The following ESRRG variants were observed in gnomAD, a reference collection of about 807,000 sequenced individuals.
ESRRG encodes the protein estrogen-related receptor gamma.
ESRRG carries 13 observed loss-of-function variants against 44.0 expected under a neutral mutation model. The observed-to-expected ratio is 0.30, with a 90% CI of 0.19 to 0.47. The LOEUF (loss-of-function observed/expected upper bound fraction) is 0.47. Ranked by LOEUF, ESRRG falls within the 20% of genes least tolerant of loss-of-function variation. The pLI is 1.00. For missense variants in ESRRG, 395 were observed against 580.6 expected (o/e 0.68, Z 3.29); for synonymous variants, 215 against 214.6 (o/e 1.00, Z -0.02).
intron 1 of ESRRG, among the ~76,000 whole-genome samples, chr1:216,989,287 T>A (rs1180614130): frequency 6.6e-6 from 1 of 151,558 alleles, no homozygotes; most frequent in African/African-American, 2.4e-5. Context: ...TCTCCATCTC[T>A]AAAAAAATAC....
chr1:216,591,779 T>C (rs11572744), intron 3 of ESRRG, among the ~76,000 whole-genome samples: 5,834 of 152,230 alleles, frequency 0.038, 184 homozygotes, highest in Non-Finnish European at 0.056. Context: ...AGGATCAAAA[T>C]AAATAATGAT....
chr1:216,986,867 T>TA (rs1451042703), intron 1 of ESRRG, among the ~76,000 whole-genome samples: 1 of 152,154 alleles, frequency 6.6e-6, no homozygotes, highest in Non-Finnish European at 1.5e-5. Context: ...ACAACAATCC[T>TA]AAAAATTTAC....
intron 3 of ESRRG, among the ~76,000 whole-genome samples, chr1:216,614,770 A>G (rs1478900721): frequency 6.6e-6 from 1 of 152,224 alleles, no homozygotes; most frequent in Non-Finnish European, 1.5e-5. Flanking sequence ...TGACTCATGA[A>G]ACATATTTAT....
At chr1:216,597,603 G>T in intron 3 of ESRRG, among the ~76,000 whole-genome samples, 1 of 152,160 alleles carries the variant, frequency 6.6e-6, no homozygotes, top group East Asian at 1.9e-4. Context: ...CCAGTCACAT[G>T]TTGTCAGTGA....
At chr1:216,753,669 G>A (rs758071809) in intron 2 of ESRRG, among the ~76,000 whole-genome samples, 22 of 152,060 alleles carry the variant, frequency 1.4e-4, no homozygotes, top group Non-Finnish European at 2.4e-4. Context: ...TTACATTCCT[G>A]TGGTATAGCC....
intron 1 of ESRRG, among the ~76,000 whole-genome samples, chr1:217,047,021 G>A (rs1215047472): frequency 2.0e-5 from 3 of 151,940 alleles, no homozygotes; most frequent in Non-Finnish European, 2.9e-5. Context: ...ACTCAAAAAG[G>A]GAGGCAGCAT....
At chr1:216,524,882 G>C (rs1256711531) in intron 5 of ESRRG, among the ~76,000 whole-genome samples, 1 of 152,114 alleles carries the variant, frequency 6.6e-6, no homozygotes, top group African/African-American at 2.4e-5. Context: ...AAAGAGAGGA[G>C]AACAGAAACG....
At chr1:216,603,556 A>G (rs962563245) in intron 3 of ESRRG, among the ~76,000 whole-genome samples, 14 of 152,236 alleles carry the variant, frequency 9.2e-5, no homozygotes, top group Admixed American at 5.2e-4. Context: ...AGCAAAAGAT[A>G]AAAAACCAAA....
intron 1 of ESRRG, among the ~76,000 whole-genome samples, chr1:216,692,023 G>C (rs927622565): frequency 5.9e-5 from 9 of 152,060 alleles, no homozygotes; most frequent in Non-Finnish European, 1.3e-4. Flanking sequence ...ATGTTGTACT[G>C]ATAATGATAA....
chr1:216,665,367 A>G (rs1198162014), intron 2 of ESRRG, among the ~76,000 whole-genome samples: 1 of 152,178 alleles, frequency 6.6e-6, no homozygotes, highest in African/African-American at 2.4e-5. Flanking sequence ...TTCCATTTTT[A>G]AAAAGAAATC....
Position 216,673,159 on chromosome 1 carries a change from G to T in ESRRG, c.472+3917C>A, listed in dbSNP as rs537252558. Among the ~76,000 whole-genome samples the T allele has an allele frequency of 1.4e-3, 220 of 152,254 alleles. 1 individual carries two copies. The highest frequency in any genetic ancestry group is 0.011 in the South Asian group (51 of 4,822). ...GCTGCAATGCTGTCTGAAGGCATGAGAATGAACTCTAAGGCAGCTTCAGCA... is the reference window on the plus strand; with the variant it reads ...GCTGCAATGCTGTCTGAAGGCATGATAATGAACTCTAAGGCAGCTTCAGCA... On this transcript the variant is annotated intron_variant, in intron 2 of 6. Transcript: ENST00000408911.
intron 1 of ESRRG, among the ~76,000 whole-genome samples, chr1:216,942,338 A>T (rs1304215887): frequency 3.3e-5 from 5 of 152,088 alleles, no homozygotes; most frequent in Non-Finnish European, 7.3e-5. Context: ...GGTTGATTCC[A>T]TGTCTTTGCT....
intron 3 of ESRRG, among the ~76,000 whole-genome samples, chr1:216,580,454 T>C (rs1353785042): frequency 1.3e-5 from 2 of 152,194 alleles, no homozygotes; most frequent in Non-Finnish European, 2.9e-5. Context: ...CTATTCATCA[T>C]AGATAACATA....
At position 216,561,797 on chromosome 1, in the gene ESRRG, A is replaced by T. The variant is rs374766812; in HGVS notation, c.862+2422T>A. On this transcript the variant is annotated intron_variant, in intron 5 of 6. Coordinates refer to ENST00000408911, the MANE Select transcript of ESRRG (RefSeq NM_001438.4). ...GCAATCATTTACAACACCCTCAGGT[A>T]TCACGAAAATCAGAGCTGTGAATCA... is the stretch of plus-strand genomic sequence containing the variant. 6.6e-5 allele frequency among the ~76,000 whole-genome samples: 10 copies of T among 152,300 alleles called. No homozygotes were observed. In the East Asian group the frequency reaches 1.9e-3, roughly 29 times the overall value.
At chr1:216,949,060 G>C (rs1311279336) in intron 1 of ESRRG, among the ~76,000 whole-genome samples, 6 of 152,160 alleles carry the variant, frequency 3.9e-5, no homozygotes, top group Admixed American at 3.3e-4. Context: ...GGAAAGAAGA[G>C]AGCGCTCTGC....
intron 1 of ESRRG, among the ~76,000 whole-genome samples, chr1:216,941,604 G>C (rs1398359998): frequency 1.3e-5 from 2 of 152,156 alleles, no homozygotes; most frequent in African/African-American, 4.8e-5. Flanking sequence ...TGGGGCATTG[G>C]AAGGGTGTGT....
intron 1 of ESRRG, among the ~76,000 whole-genome samples, chr1:216,957,387 A>G (rs1301048022): frequency 2.6e-5 from 4 of 152,156 alleles, no homozygotes; most frequent in African/African-American, 9.7e-5. Flanking sequence ...CAGCACATTT[A>G]TTTGGATCGA....
intron 1 of ESRRG, among the ~76,000 whole-genome samples, chr1:217,134,179 G>C (rs998917723): frequency 6.6e-6 from 1 of 152,108 alleles, no homozygotes; most frequent in African/African-American, 2.4e-5. Flanking sequence ...AACAGACCGC[G>C]CTCCAGCCCC....
intron 5 of ESRRG, among the ~76,000 whole-genome samples, chr1:216,542,894 C>T (rs1158467535): frequency 6.6e-6 from 1 of 151,950 alleles, no homozygotes; most frequent in Admixed American, 6.6e-5. Flanking sequence ...TCAAATCTTT[C>T]TCAATTAAGT....
Sources: gnomAD v4.1 joint callset for allele counts (sites outside exome capture counted in the v4.1 genomes callset) on GRCh38, gnomAD v4.1.1 for gene constraint, MANE v1.5 for transcripts, NCBI Gene and HGNC (gene_info 2026-07-23, HGNC 2026-07-21) for gene names.